The following AZIN1 variants were observed in gnomAD, a reference collection of about 807,000 sequenced individuals.
AZIN1 encodes the protein antizyme inhibitor 1, also known as ornithine decarboxylase antizyme inhibitor.
In AZIN1, 12 loss-of-function variants were observed where a neutral mutation model predicts 47.4. That is an observed-to-expected ratio of 0.25 (90% CI 0.16 to 0.41). The LOEUF is 0.41. Ranked by LOEUF, AZIN1 falls within the 10% of genes least tolerant of loss-of-function variation. AZIN1 has a pLI of 1.00. For missense variants in AZIN1, 410 were observed against 532.4 expected, an observed-to-expected ratio of 0.77 and a Z score of 2.26; for synonymous variants, 155 against 176.3, an observed-to-expected ratio of 0.88 and a Z score of 0.96.
intron 1 of AZIN1, 77 bp from the exon 2 acceptor site, chr8:102,858,227 T>C (rs1586209297): frequency 2.5e-6 from 1 of 397,400 alleles, no homozygotes; most frequent in East Asian, 3.6e-5. Context: ...ACATGAACTG[T>C]AGAATACGTG....
rs183575340 is a variant in AZIN1 at position 102,862,918 on chromosome 8, C to A, written c.-234+889G>T. On this transcript the variant is annotated intron_variant, in intron 1 of 11. Coordinates refer to ENST00000337198, the MANE Select transcript of AZIN1 (RefSeq NM_148174.4). ...TAAGGGTTAGAACATGTTACCACCA[C>A]CAACTGTTGGCAGTCAAGACAGTAG... Among the ~76,000 whole-genome samples, 5 of 152,352 alleles carry A rather than the reference C, an allele frequency of 3.3e-5. No individual in the cohort carries two copies. The South Asian group carries it at 8.3e-4, about 25-fold the overall frequency.
chr8:102,850,394 T>C (rs551048977), intron 2 of AZIN1, among the ~76,000 whole-genome samples: 5 of 152,312 alleles, frequency 3.3e-5, no homozygotes, highest in Admixed American at 3.3e-4. Context: ...TATACAACGT[T>C]GCTTAAGTCC....
At chr8:102,856,414 G>C (rs1489853271) in intron 2 of AZIN1, among the ~76,000 whole-genome samples, 1 of 152,152 alleles carries the variant, frequency 6.6e-6, no homozygotes, top group East Asian at 1.9e-4. Flanking sequence ...CAAAGAGGGA[G>C]ACACTATAGA....
intron 6 of AZIN1, among the ~76,000 whole-genome samples, chr8:102,835,726 AGTAAAAG>A (rs1282698497): frequency 2.0e-5 from 3 of 152,238 alleles, no homozygotes; most frequent in Non-Finnish European, 2.9e-5. Context: ...TTTTTACTTT[AGTAAAAG>A]TAGCAATGGG....
In AZIN1 at chr8:102,829,339, G is replaced by A. The variant is rs1563526969; in HGVS notation, c.1168C>T (p.His390Tyr). The A allele has an allele frequency of 1.2e-6, 2 of 1,613,968 alleles. No homozygotes were observed. Among genetic ancestry groups the A allele is most frequent in the East Asian group, 2.2e-5 (1 of 44,874 alleles). Residue 390 changes from histidine (H) to tyrosine (Y), a missense_variant, in exon 11 of 12, where the codon CAT becomes TAT. His to Tyr is a moderately conservative substitution (Grantham distance 83). Transcript: ENST00000337198. The part of the protein sequence containing the change: ...IFDNMGADSF[H>Y]EPSAFNDFQR... ...AAATCATTAAAAGCAGATGGTTCAT[G>A]GAAAGAATCTGCTCCCATGTTATCA... is the stretch of plus-strand genomic sequence containing the variant.
rs989039495 is a variant in AZIN1, at chr8:102,828,235, G to A, written c.*332C>T. The A allele has an allele frequency of 4.0e-5, 7 of 175,294 alleles. No individual in the cohort carries two copies. Among genetic ancestry groups the A allele is most frequent in the Non-Finnish European group, 7.2e-5 (6 of 83,042 alleles). The allele number at this position is 175,294 out of a possible 1,614,324, so 10.9% of individuals were successfully genotyped here. On this transcript the variant is annotated 3_prime_UTR_variant, in exon 12 of 12. Transcript: ENST00000337198. ...CACAAATCCTTAGTATAAAAACTGT[G>A]TTCTTGTATGTAAACGATTTAATGG...
chr8:102,840,191 G>A (rs1158627744), intron 3 of AZIN1, among the ~76,000 whole-genome samples: 1 of 152,188 alleles, frequency 6.6e-6, no homozygotes, highest in Non-Finnish European at 1.5e-5. Flanking sequence ...TTCCCCCACT[G>A]TTTAAAATAC....
chr8:102,861,790 C>T (rs898240388), intron 1 of AZIN1, among the ~76,000 whole-genome samples: 6 of 151,748 alleles, frequency 4.0e-5, no homozygotes, highest in Non-Finnish European at 7.4e-5. Context: ...CGCTTGTAAT[C>T]CCAGCACTCT....
At chr8:102,851,826 A>G (rs1812936182) in intron 2 of AZIN1, among the ~76,000 whole-genome samples, 2 of 152,238 alleles carry the variant, frequency 1.3e-5, no homozygotes, top group African/African-American at 4.8e-5. Flanking sequence ...CTTCTATGTG[A>G]CCCTAAAACA....
intron 2 of AZIN1, chr8:102,855,718 T>G (rs1563549512): frequency 6.6e-6 from 1 of 152,216 alleles, no homozygotes. Flanking sequence ...TTAACTCCTT[T>G]TAATGGTTTT....
chr8:102,863,577 A>G (rs1429519314), intron 1 of AZIN1, among the ~76,000 whole-genome samples: 1 of 150,300 alleles, frequency 6.7e-6, no homozygotes, highest in Non-Finnish European at 1.5e-5. Context: ...GGCTCCGCCA[A>G]GCGTCCAGCA....
intron 2 of AZIN1, among the ~76,000 whole-genome samples, chr8:102,852,083 G>C (rs1382872209): frequency 6.6e-6 from 1 of 152,154 alleles, no homozygotes; most frequent in Non-Finnish European, 1.5e-5. Context: ...TGGGGTGATT[G>C]TTTTGTCAGA....
At position 102,843,600 on chromosome 8, in the gene AZIN1, C is replaced by T. The variant is rs746031969; in HGVS notation, c.53G>A (p.Gly18Glu). The change falls in exon 3 of 12, where the codon GGA becomes GAA. Residue 18 changes from glycine to glutamate, a missense_variant. By Grantham distance (98) the Gly-to-Glu change is moderately conservative (BLOSUM62 -2). Transcript: ENST00000337198. ...ATCAATAACATTTCCAAGGTTTGTTCCTTCATCCAACAGGCCAACGGAGTA... is the reference window on the plus strand; with the variant it reads ...ATCAATAACATTTCCAAGGTTTGTTTCTTCATCCAACAGGCCAACGGAGTA... Reference protein sequence around the residue: ...ANYSVGLLDEGTNLGNVIDNY... With the variant: ...ANYSVGLLDEETNLGNVIDNY... The T allele has an allele frequency of 7.4e-6, 12 of 1,613,942 alleles. No homozygotes were observed. Among genetic ancestry groups the T allele is most frequent in the Non-Finnish European group, 1.0e-5 (12 of 1,179,984 alleles).
chr8:102,829,542 T>A (rs1811304659), intron 10 of AZIN1, 56 bp from the exon 11 acceptor site: 1 of 1,442,166 alleles, frequency 6.9e-7, no homozygotes, highest in Non-Finnish European at 9.5e-7. Context: ...GGTATTGAAT[T>A]TGTGAGTAAA....
chr8:102,858,590 A>G (rs2679757), intron 1 of AZIN1, among the ~76,000 whole-genome samples: 57,153 of 152,068 alleles, frequency 0.38, 11,696 homozygotes, highest in South Asian at 0.46. Context: ...GGAACCACCC[A>G]GAACACTCTT....
intron 2 of AZIN1, among the ~76,000 whole-genome samples, chr8:102,847,581 T>C (rs1483215712): frequency 6.6e-6 from 1 of 151,678 alleles, no homozygotes; most frequent in East Asian, 1.9e-4. Flanking sequence ...TTTTTTTTTT[T>C]TTTGAGAAAA....
chr8:102,841,594 G>C (rs1812182402), intron 3 of AZIN1, among the ~76,000 whole-genome samples: 1 of 152,048 alleles, frequency 6.6e-6, no homozygotes, highest in Non-Finnish European at 1.5e-5. Context: ...TTAACAAGTT[G>C]AATGGCAGAG....
intron 2 of AZIN1, among the ~76,000 whole-genome samples, chr8:102,849,626 C>T (rs1156692983): frequency 2.0e-5 from 3 of 152,120 alleles, no homozygotes; most frequent in Non-Finnish European, 4.4e-5. Flanking sequence ...TATCAATAGA[C>T]ACTAGAAAGT....
chr8:102,832,934 C>T (rs1163028143), intron 9 of AZIN1, 122 bp downstream of exon 9: 3 of 864,330 alleles, frequency 3.5e-6, no homozygotes, highest in Non-Finnish European at 3.5e-6. Flanking sequence ...GCCACCACGC[C>T]CGGCCAGTTT....
Sources: gnomAD v4.1 joint callset for allele counts (sites outside exome capture counted in the v4.1 genomes callset) on GRCh38, gnomAD v4.1.1 for gene constraint, MANE v1.5 for transcripts, NCBI Gene and HGNC (gene_info 2026-07-23, HGNC 2026-07-21) for gene names.